Variants in CWF19L1 observed in about 807,000 individuals in gnomAD.
The protein encoded by CWF19L1 is CWF19-like protein 1.
CWF19L1 carries 60 observed loss-of-function variants against 69.7 expected under a neutral mutation model. The ratio of observed to expected loss-of-function variants is 0.86; its 90% CI spans 0.70 to 1.07. The LOEUF (loss-of-function observed/expected upper bound fraction) is 1.07, where lower values mean the gene tolerates loss of function less well. CWF19L1 is among the 50% of genes least tolerant of loss of function. CWF19L1 has a pLI of 0.00. For missense variants in CWF19L1, 591 were observed against 638.9 expected, an observed-to-expected ratio of 0.92 and a Z score of 0.81; for synonymous variants, 209 against 222.2, an observed-to-expected ratio of 0.94 and a Z score of 0.53.
intron 13 of CWF19L1, 107 bp downstream of exon 13, chr10:100,235,560 G>A: frequency 1.4e-6 from 1 of 705,204 alleles, no homozygotes. Flanking sequence ...GGGTCCTCTG[G>A]GGCAAGGACT....
At chr10:100,257,433 G>A (rs1847252140) in intron 4 of CWF19L1, among the ~76,000 whole-genome samples, 1 of 151,384 alleles carries the variant, frequency 6.6e-6, no homozygotes, top group South Asian at 2.1e-4. Flanking sequence ...CCAAGTAGCT[G>A]GGACTACAGG....
At position 100,265,633 on chromosome 10, in the gene CWF19L1, G is replaced by A. The variant is rs543925339; in HGVS notation, c.23+1938C>T. Reference sequence around the variant, plus strand: ...CCTCCCAGGCTCAAGCCATTCTCCTGCCTCAACCTCTTGAGTAGCTGGGAT... The same window carrying A: ...CCTCCCAGGCTCAAGCCATTCTCCTACCTCAACCTCTTGAGTAGCTGGGAT... On this transcript the variant is annotated intron_variant, in intron 1 of 13. Transcript: ENST00000354105. 4.6e-5 allele frequency among the ~76,000 whole-genome samples: 7 copies of A among 150,788 alleles called. No individual in the cohort carries two copies. The South Asian group carries it at 1.5e-3, about 31-fold the overall frequency.
At chr10:100,235,562 G>T in intron 13 of CWF19L1, 105 bp downstream of exon 13, 1 of 725,512 alleles carries the variant, frequency 1.4e-6, no homozygotes, top group Non-Finnish European at 2.3e-6. Flanking sequence ...GTCCTCTGGG[G>T]CAAGGACTGT....
At chr10:100,239,821 G>A (rs925031611) in intron 10 of CWF19L1, among the ~76,000 whole-genome samples, 4 of 152,158 alleles carry the variant, frequency 2.6e-5, no homozygotes, top group Non-Finnish European at 5.9e-5. Context: ...TGAGCATATT[G>A]ACAAAGTTAA....
chr10:100,256,545 G>T, intron 4 of CWF19L1, 69 bp from the exon 5 acceptor site: 10 of 1,203,536 alleles, frequency 8.3e-6, no homozygotes, highest in Non-Finnish European at 1.2e-5. Context: ...ATAGGGGGAT[G>T]AATCTCCCAT....
intron 10 of CWF19L1, among the ~76,000 whole-genome samples, chr10:100,238,669 C>T (rs1846534091): frequency 6.6e-6 from 1 of 152,134 alleles, no homozygotes; most frequent in African/African-American, 2.4e-5. Context: ...GTGGCTCACG[C>T]TTGTAATCCC....
chr10:100,237,030 C>G, intron 11 of CWF19L1, 61 bp from the exon 12 acceptor site: 1 of 1,532,784 alleles, frequency 6.5e-7, no homozygotes, highest in Non-Finnish European at 8.8e-7. Flanking sequence ...TGTGCCTGCA[C>G]AGTCTCTGAG....
chr10:100,248,398 A>C, intron 7 of CWF19L1: 1 of 757,260 alleles, frequency 1.3e-6, no homozygotes, highest in Non-Finnish European at 2.4e-6. Flanking sequence ...CATGGAGTAC[A>C]GAACACTGTG....
chr10:100,262,387 C>T, intron 1 of CWF19L1: 1 of 985,358 alleles, frequency 1.0e-6, no homozygotes, highest in Non-Finnish European at 1.2e-6. Flanking sequence ...CAAGTCCCAT[C>T]AATCCCTTTT....
intron 3 of CWF19L1, among the ~76,000 whole-genome samples, chr10:100,260,608 C>T (rs1847368495): frequency 6.6e-6 from 1 of 151,880 alleles, no homozygotes. Context: ...CTGCAATCTC[C>T]GCCTCCCAGG....
intron 4 of CWF19L1, 123 bp downstream of exon 4, chr10:100,260,095 G>T: frequency 1.7e-6 from 1 of 600,548 alleles, no homozygotes; most frequent in South Asian, 2.0e-5. Context: ...TTGAACCCGG[G>T]AGGTGGAGGT....
At chr10:100,256,131 T>C in intron 5 of CWF19L1, 131 bp downstream of exon 5, 1 of 676,332 alleles carries the variant, frequency 1.5e-6, no homozygotes, top group Non-Finnish European at 2.5e-6. Flanking sequence ...TCCTGAAAAT[T>C]TTCACAGAAG....
intron 12 of CWF19L1, 124 bp from the exon 13 acceptor site, chr10:100,235,888 G>C (rs2134272839): frequency 1.5e-6 from 1 of 679,612 alleles, no homozygotes; most frequent in Middle Eastern, 3.9e-4. Flanking sequence ...TGTTGCTATA[G>C]ATCCCAAGCC....
intron 4 of CWF19L1, among the ~76,000 whole-genome samples, chr10:100,256,728 G>C (rs1847225908): frequency 6.6e-6 from 1 of 152,212 alleles, no homozygotes; most frequent in South Asian, 2.1e-4. Flanking sequence ...TTTATGCCAG[G>C]TGCCTTACAA....
intron 3 of CWF19L1, among the ~76,000 whole-genome samples, chr10:100,260,553 T>C (rs939382658): frequency 9.9e-5 from 15 of 151,968 alleles, no homozygotes; most frequent in African/African-American, 3.6e-4. Context: ...GACAGAGCCT[T>C]GCTCTGTCGC....
Position 100,233,189 on chromosome 10 carries a change from A to T in CWF19L1, c.*38T>A. ...ATTAAAAAAAAAAAAAAGCTTTACT[A>T]CTTCCTGTGGAGTTCATAAAAAGTT... is the stretch of plus-strand genomic sequence containing the variant. On this transcript the variant is annotated 3_prime_UTR_variant, in exon 14 of 14. Transcript: ENST00000354105. 6.6e-7 allele frequency: 1 copy of T among 1,521,216 alleles called. No individual in the cohort carries two copies. Among genetic ancestry groups the T allele is most frequent in the Non-Finnish European group, 8.8e-7 (1 of 1,133,798 alleles). The allele number at this position is 1,521,216 out of a possible 1,614,324, so 94.2% of individuals were successfully genotyped here.
chr10:100,250,183 A>T, intron 7 of CWF19L1, 65 bp downstream of exon 7: 1 of 1,094,588 alleles, frequency 9.1e-7, no homozygotes, highest in Non-Finnish European at 1.4e-6. Flanking sequence ...GCTAAACTGG[A>T]CAAGAGATAC....
Position 100,233,181 on chromosome 10 carries a change from G to A in CWF19L1, c.*46C>T. On this transcript the variant is annotated 3_prime_UTR_variant, in exon 14 of 14. Transcript: ENST00000354105. The stretch of plus-strand genomic sequence containing the variant: ...TTCTTTTAATTAAAAAAAAAAAAAA[G>A]CTTTACTACTTCCTGTGGAGTTCAT... The A allele has an allele frequency of 2.8e-6, 4 of 1,446,496 alleles. No individual in the cohort carries two copies. The highest frequency in any genetic ancestry group is 2.5e-5 in the East Asian group (1 of 40,736). The allele number at this position is 1,446,496 out of a possible 1,614,324, so 89.6% of individuals were successfully genotyped here.
At chr10:100,265,100 G>A (rs1470858802) in intron 1 of CWF19L1, among the ~76,000 whole-genome samples, 3 of 149,522 alleles carry the variant, frequency 2.0e-5, no homozygotes, top group Non-Finnish European at 3.0e-5. Flanking sequence ...CAGCCTGGGC[G>A]ACAGTGAGAC....
Sources: allele counts gnomAD v4.1 joint callset (sites outside exome capture counted in the v4.1 genomes callset), GRCh38; gene constraint gnomAD v4.1.1; transcripts MANE v1.5; gene names NCBI Gene and HGNC (gene_info 2026-07-23, HGNC 2026-07-21).